The following LMNA variants were observed in gnomAD, a reference collection of about 807,000 sequenced individuals.
LMNA encodes lamin A/C, also known as lamin.
LMNA carries 20 observed loss-of-function variants against 70.4 expected under a neutral mutation model. The ratio of observed to expected loss-of-function variants is 0.28; its 90% CI spans 0.20 to 0.41. The LOEUF (loss-of-function observed/expected upper bound fraction) is 0.41, where lower values mean the gene tolerates loss of function less well. LMNA is among the 10% of genes least tolerant of loss of function. The probability of loss-of-function intolerance (pLI) is 1.00; values close to 1 mark genes in which losing one functional copy is unlikely to be tolerated. For synonymous variants in LMNA, 339 were observed against 372.8 expected (o/e 0.91, Z 1.04); for missense variants, 652 against 917.2 (o/e 0.71, Z 3.73).
chr1:156,089,600 A>AG (rs1329152266), intron 2 of LMNA, among the ~76,000 whole-genome samples: 319 of 100,644 alleles, frequency 3.2e-3, no homozygotes, highest in African/African-American at 0.01. Flanking sequence ...TCTAAAAAAA[A>AG]AAAAGAAAGA....
intron 2 of LMNA, among the ~76,000 whole-genome samples, chr1:156,084,335 T>TGGGGGGGGGGGGGGGGGGGGG (rs1491154815): frequency 1.1e-5 from 1 of 91,636 alleles, no homozygotes; most frequent in African/African-American, 3.9e-5. Context: ...GGTCGGGGGG[T>TGGGGGGGGGGGGGGGGGGGGG]GGTGGGGGCA....
At chr1:156,110,346 TTGAA>T (rs1649489269), upstream of LMNA, among the ~76,000 whole-genome samples, 1 of 152,250 alleles carries the variant, frequency 6.6e-6, no homozygotes. Context: ...TAAATATTTG[TTGAA>T]TGAATGAATT....
intron 2 of LMNA, among the ~76,000 whole-genome samples, chr1:156,086,569 AGGTTGGG>A (rs1648485019): frequency 6.6e-6 from 1 of 152,050 alleles, no homozygotes; most frequent in Non-Finnish European, 1.5e-5. Flanking sequence ...ATTCTTGTGG[AGGTTGGG>A]GGAGGAGTGG....
intron 1 of LMNA, among the ~76,000 whole-genome samples, chr1:156,119,533 G>A (rs517606): frequency 6.6e-6 from 1 of 152,146 alleles, no homozygotes; most frequent in South Asian, 2.1e-4. Flanking sequence ...GTGCTGGGAT[G>A]TATAGGCATG....
At chr1:156,097,013 G>A (rs1238814454) in intron 3 of LMNA, among the ~76,000 whole-genome samples, 1 of 152,196 alleles carries the variant, frequency 6.6e-6, no homozygotes, top group Admixed American at 6.5e-5. Context: ...AGGAAGTGGT[G>A]GTCACCTGGG....
At chr1:156,126,293 T>C (rs1407865508) in intron 1 of LMNA, 29 of 1,171,656 alleles carry the variant, frequency 2.5e-5, no homozygotes, top group South Asian at 9.2e-5. Flanking sequence ...CCACCTCCCC[T>C]TTGTCTTCCC....
chr1:156,130,761 C>A lies in LMNA; in HGVS notation c.501C>A (p.Gly167=). 6.3e-7 allele frequency: 1 copy of A among 1,587,362 alleles called. No individual in the cohort carries two copies. Among genetic ancestry groups the A allele is most frequent in the Non-Finnish European group, 8.6e-7 (1 of 1,166,874 alleles). The change falls in exon 2 of 12, where the codon GGC becomes GGA. Residue 167 remains glycine, a synonymous_variant. Coordinates refer to ENST00000368300, the MANE Select transcript of LMNA (RefSeq NM_170707.4). ...TLEGELHDLR[G]QVAKLEAALG... is the part of the protein sequence containing the mutation. ...AGGGCGAGCTGCATGATCTGCGGGG[C>A]CAGGTGGCCAAGGTGAGGCCACCCT...
Position 156,137,890 on chromosome 1 carries a change from C to T in LMNA, c.1698+147C>T. 6.7e-7 allele frequency: 1 copy of T among 1,497,334 alleles called. No homozygotes were observed. Among genetic ancestry groups the T allele is most frequent in the Non-Finnish European group, 8.9e-7 (1 of 1,123,198 alleles). 92.8% of individuals were successfully genotyped at this position (1,497,334 alleles called of 1,614,324 possible). ...TACTCGCTGGCCTGGCCTTTCTTCTCTCTCCTCCCTATACCTTGAACAGGG... is the reference window on the plus strand; with the variant it reads ...TACTCGCTGGCCTGGCCTTTCTTCTTTCTCCTCCCTATACCTTGAACAGGG... On this transcript the variant is annotated intron_variant, in intron 10 of 11. Coordinates refer to ENST00000368300, the MANE Select transcript of LMNA (RefSeq NM_170707.4). The surrounding 1 kb of genome is among the most constrained non-coding windows in gnomAD (Gnocchi z 4.6).
At position 156,135,717 on chromosome 1, in the gene LMNA, G is replaced by A; in HGVS notation, c.937-184G>A. 1.6e-6 allele frequency: 1 copy of A among 620,816 alleles called. No homozygotes were observed. The highest frequency in any genetic ancestry group is 1.9e-5 in the South Asian group (1 of 51,592). The allele number at this position is 620,816 out of a possible 1,614,324, so 38.5% of individuals were successfully genotyped here. A position where few individuals can be genotyped will look rare whatever the true frequency, so the allele number is the denominator to read the frequency against. Reference sequence around the variant, plus strand: ...GTTAGACAAGGGGAAGGACTTCCCAGTTGCCAGCCAAGACTATGTTTAGAG... The same window carrying A: ...GTTAGACAAGGGGAAGGACTTCCCAATTGCCAGCCAAGACTATGTTTAGAG... On this transcript the variant is annotated intron_variant, in intron 5 of 11. Coordinates refer to ENST00000368300, the MANE Select transcript of LMNA (RefSeq NM_170707.4). The surrounding 1 kb of genome is among the most constrained non-coding windows in gnomAD (Gnocchi z 4.8).
chr1:156,097,950 TGC>T (rs1180240225), intron 3 of LMNA, among the ~76,000 whole-genome samples: 1 of 151,714 alleles, frequency 6.6e-6, no homozygotes, highest in Non-Finnish European at 1.5e-5. Context: ...CGTGTGTGCG[TGC>T]GTGTGTGTGT....
chr1:156,095,689 C>T (rs368291689), intron 3 of LMNA, among the ~76,000 whole-genome samples: 1 of 152,138 alleles, frequency 6.6e-6, no homozygotes, highest in East Asian at 1.9e-4. Context: ...CATCCTTGTA[C>T]TAGGCCCTCT....
chr1:156,085,900 A>C (rs1307636454), intron 2 of LMNA, among the ~76,000 whole-genome samples: 2 of 152,186 alleles, frequency 1.3e-5, no homozygotes, highest in Non-Finnish European at 2.9e-5. Flanking sequence ...TACTAAAAAT[A>C]CAAAAATTAG....
At chr1:156,094,828 C>T (rs1231089520) in intron 3 of LMNA, among the ~76,000 whole-genome samples, 2 of 150,618 alleles carry the variant, frequency 1.3e-5, no homozygotes, top group East Asian at 2.0e-4. Context: ...GGCATGATCT[C>T]GGCTCACTGC....
intron 1 of LMNA, among the ~76,000 whole-genome samples, chr1:156,122,632 G>A (rs1038596932): frequency 3.8e-4 from 58 of 152,346 alleles, no homozygotes; most frequent in African/African-American, 1.4e-3. Flanking sequence ...ACGGTGGAAA[G>A]GGCTGTGTCA....
intron 2 of LMNA, among the ~76,000 whole-genome samples, chr1:156,086,948 A>C (rs1486317011): frequency 6.6e-6 from 1 of 151,160 alleles, no homozygotes. Flanking sequence ...GCCAGGAATT[A>C]TATCCCTTCT....
Position 156,127,076 on chromosome 1 carries a change from C to T in LMNA, c.357-3541C>T, listed in dbSNP as rs1393406872. 3.2e-5 allele frequency: 22 copies of T among 694,210 alleles called. 1 individual carries two copies. The highest frequency in any genetic ancestry group is 2.0e-4 in the East Asian group (7 of 35,650). 43.0% of individuals were successfully genotyped at this position (694,210 alleles called of 1,614,324 possible). On this transcript the variant is annotated intron_variant, in intron 1 of 11. Transcript: ENST00000368300. The stretch of plus-strand genomic sequence containing the variant: ...GGGACGGCACTCAGCGTGTGCTCAG[C>T]TTTCCTGATGCCAACCCCCAGTGGA...
Position 156,137,223 on chromosome 1 carries a change from CA to C in LMNA, c.1600del (p.Thr534LeufsTer14), listed in dbSNP as rs1651735640. ...NSLRTALINSTGEEVAMRKLV... is the reference protein window; with the variant it reads ...NSLRTALINSXGEEVAMRKLV... ...GCCTGCGTACGGCTCTCATCAACTC[CA>C]CTGGGGAAGTAAGTAGGCCTGGGCC... On this transcript the variant is annotated frameshift_variant, in exon 9 of 12. Coordinates refer to ENST00000368300, the MANE Select transcript of LMNA (RefSeq NM_170707.4). LOFTEE classifies it high-confidence loss of function. The surrounding 1 kb of genome is among the most constrained non-coding windows in gnomAD (Gnocchi z 4.6). The C allele has an allele frequency of 6.3e-7, 1 of 1,585,326 alleles. No individual in the cohort carries two copies. The highest frequency in any genetic ancestry group is 8.6e-7 in the Non-Finnish European group (1 of 1,167,984).
chr1:156,096,777 G>A (rs1442256305), intron 3 of LMNA, among the ~76,000 whole-genome samples: 4 of 152,236 alleles, frequency 2.6e-5, no homozygotes, highest in African/African-American at 7.2e-5. Flanking sequence ...GCTGGTCTCC[G>A]CTGGGCCAGC....
intron 1 of LMNA, among the ~76,000 whole-genome samples, chr1:156,116,104 A>G (rs1239822700): frequency 6.6e-6 from 1 of 151,026 alleles, no homozygotes. Context: ...GTCTGGCCGC[A>G]CTCCTCCCTT....
Sources: gnomAD v4.1 joint callset for allele counts (sites outside exome capture counted in the v4.1 genomes callset) on GRCh38, gnomAD v4.1.1 for gene constraint, Gnocchi (gnomAD v3.1) non-coding constraint, MANE v1.5 for transcripts, NCBI Gene and HGNC (gene_info 2026-07-23, HGNC 2026-07-21) for gene names.